The following SYN3 variants were observed in gnomAD, a reference collection of about 807,000 sequenced individuals.
SYN3 encodes the protein synapsin III, also known as synapsin-3.
A neutral mutation model predicts 65.8 loss-of-function variants in SYN3; 35 were observed. The observed-to-expected ratio is 0.53, with a 90% confidence interval of 0.41 to 0.70. SYN3 has a LOEUF of 0.70. Among genes scored for constraint, SYN3 ranks in the 30% least tolerant of loss-of-function variants. SYN3 has a pLI of 0.00. For missense variants in SYN3, 680 were observed against 749.0 expected (o/e 0.91, Z 1.08); for synonymous variants, 270 against 292.9 (o/e 0.92, Z 0.80).
At chr22:32,713,685 G>T (rs2060996579) in intron 6 of SYN3, among the ~76,000 whole-genome samples, 1 of 152,092 alleles carries the variant, frequency 6.6e-6, no homozygotes, top group Non-Finnish European at 1.5e-5. Context: ...AAAAAAATTA[G>T]CTGGGCATGG....
chr22:32,786,694 G>A (rs1602145625), intron 6 of SYN3, among the ~76,000 whole-genome samples: 1 of 152,218 alleles, frequency 6.6e-6, no homozygotes, highest in East Asian at 1.9e-4. Flanking sequence ...CTAAAGGAGG[G>A]GGGATTTAAT....
intron 6 of SYN3, among the ~76,000 whole-genome samples, chr22:32,817,830 G>A (rs991389920): frequency 1.3e-5 from 2 of 152,168 alleles, no homozygotes; most frequent in Non-Finnish European, 2.9e-5. Flanking sequence ...GGCACCCTGC[G>A]AGCAGGTAAT....
intron 6 of SYN3, among the ~76,000 whole-genome samples, chr22:32,829,553 T>C (rs2047515948): frequency 2.0e-5 from 3 of 152,228 alleles, no homozygotes; most frequent in Admixed American, 2.0e-4. Context: ...GCCCGCCTCC[T>C]GTTTCGTGAA....
At chr22:32,909,778 G>A (rs893815953) in intron 4 of SYN3, among the ~76,000 whole-genome samples, 6 of 152,026 alleles carry the variant, frequency 3.9e-5, no homozygotes, top group Admixed American at 3.3e-4. Context: ...GCTCAAGTCC[G>A]ACCATCACGG....
intron 6 of SYN3, among the ~76,000 whole-genome samples, chr22:32,663,313 T>C (rs1177626732): frequency 6.6e-6 from 1 of 151,482 alleles, no homozygotes; most frequent in East Asian, 1.9e-4. Flanking sequence ...TTCTCTTTTT[T>C]TTTTTTTTTG....
chr22:32,811,013 T>G (rs1175450874), intron 6 of SYN3, among the ~76,000 whole-genome samples: 1 of 152,158 alleles, frequency 6.6e-6, no homozygotes, highest in Non-Finnish European at 1.5e-5. Flanking sequence ...GGTAACTTCA[T>G]TGGCAATTAA....
intron 4 of SYN3, among the ~76,000 whole-genome samples, chr22:32,894,026 C>T (rs2049521917): frequency 6.6e-6 from 1 of 152,168 alleles, no homozygotes; most frequent in Non-Finnish European, 1.5e-5. Context: ...AAGCATTGGT[C>T]CAACTGGATC....
intron 4 of SYN3, among the ~76,000 whole-genome samples, chr22:32,899,435 G>A (rs1333370836): frequency 1.3e-5 from 2 of 152,176 alleles, no homozygotes; most frequent in African/African-American, 2.4e-5. Context: ...GGGAACGGAG[G>A]CGTTAATCAA....
chr22:32,881,885 G>A (rs937489950), intron 4 of SYN3, among the ~76,000 whole-genome samples: 7 of 151,962 alleles, frequency 4.6e-5, no homozygotes, highest in East Asian at 1.9e-4. Context: ...GTGAAACCCC[G>A]TCTCTACTAA....
At chr22:32,612,629 G>T (rs1422220215) in intron 6 of SYN3, among the ~76,000 whole-genome samples, 1 of 152,088 alleles carries the variant, frequency 6.6e-6, no homozygotes, top group Non-Finnish European at 1.5e-5. Flanking sequence ...ATCGCTTAAG[G>T]CCAAAAGTTA....
intron 4 of SYN3, among the ~76,000 whole-genome samples, chr22:32,919,918 G>A (rs2050291231): frequency 6.6e-6 from 1 of 152,118 alleles, no homozygotes; most frequent in South Asian, 2.1e-4. Context: ...TCTGACTCTG[G>A]AACTCTAAGA....
chr22:32,598,465 AAGAGTGGCCT>A (rs1291762140), intron 6 of SYN3, among the ~76,000 whole-genome samples: 1 of 151,860 alleles, frequency 6.6e-6, no homozygotes, highest in Non-Finnish European at 1.5e-5. Context: ...AGTCTAGCAC[AAGAGTGGCCT>A]GCAGTAGACT....
chr22:32,805,064 G>A (rs1324156066), intron 6 of SYN3, among the ~76,000 whole-genome samples: 1 of 152,156 alleles, frequency 6.6e-6, no homozygotes, highest in African/African-American at 2.4e-5. Flanking sequence ...TTCTGCAAAG[G>A]TGGCTGGCAG....
intron 8 of SYN3, among the ~76,000 whole-genome samples, chr22:32,540,372 G>C (rs1156457546): frequency 2.0e-5 from 3 of 152,234 alleles, no homozygotes; most frequent in Non-Finnish European, 2.9e-5. Flanking sequence ...ACAGAAGCCT[G>C]CGGATGGAGG....
chr22:32,824,277 CA>C lies in SYN3; in HGVS notation c.711+40637del, dbSNP rs130288. On this transcript the variant is annotated intron_variant, in intron 6 of 13. Transcript: ENST00000358763. Reference sequence around the variant, plus strand: ...TGGGCGACAGAGCAAGACTCCATCTCAAAAAAAAAAAAAAATACAGTGCCAT... The same window carrying C: ...TGGGCGACAGAGCAAGACTCCATCTCAAAAAAAAAAAAAATACAGTGCCAT... Among the ~76,000 whole-genome samples, 214 of 133,154 alleles carry C rather than the reference CA, an allele frequency of 1.6e-3. 1 individual carries two copies. The highest frequency in any genetic ancestry group is 4.8e-3 in the African/African-American group (169 of 35,258). 87.4% of individuals were successfully genotyped at this position (133,154 alleles called of 152,430 possible).
chr22:32,657,788 C>T (rs1271551220), intron 6 of SYN3, among the ~76,000 whole-genome samples: 1 of 152,200 alleles, frequency 6.6e-6, no homozygotes, highest in African/African-American at 2.4e-5. Flanking sequence ...GCCAGCCAGG[C>T]ACAACCAAAG....
chr22:32,802,048 T>C lies in SYN3; in HGVS notation c.711+62867A>G, dbSNP rs1236569285. The C allele has an allele frequency of 1.3e-6, 2 of 1,575,886 alleles. No individual in the cohort carries two copies. Among genetic ancestry groups the C allele is most frequent in the Non-Finnish European group, 8.6e-7 (1 of 1,165,662 alleles). On this transcript the variant is annotated intron_variant, in intron 6 of 13. Coordinates refer to ENST00000358763, the MANE Select transcript of SYN3 (RefSeq NM_003490.4). ...ATCGTGCTCCTGGGCAGCTGGAGCC[T>C]GGGGGACTGGGGCGCCGAGGCGTGC...
At chr22:32,615,989 A>T (rs1035808954) in intron 6 of SYN3, among the ~76,000 whole-genome samples, 47 of 152,348 alleles carry the variant, frequency 3.1e-4, no homozygotes, top group Admixed American at 6.5e-5. Flanking sequence ...GATCCTCCCT[A>T]GGTCACAACT....
intron 6 of SYN3, among the ~76,000 whole-genome samples, chr22:32,689,372 G>A (rs374571200): frequency 2.0e-5 from 3 of 152,190 alleles, no homozygotes; most frequent in Admixed American, 6.5e-5. Flanking sequence ...CTGAGCCTTC[G>A]TTGCTGCATC....
Sources: allele counts gnomAD v4.1 joint callset (sites outside exome capture counted in the v4.1 genomes callset), GRCh38; gene constraint gnomAD v4.1.1; transcripts MANE v1.5; gene names NCBI Gene and HGNC (gene_info 2026-07-23, HGNC 2026-07-21).